Variants in KCNQ3 observed in about 807,000 individuals in gnomAD.
The protein encoded by KCNQ3 is potassium voltage-gated channel subfamily KQT member 3.
KCNQ3 carries 30 observed loss-of-function variants against 92.5 expected under a neutral mutation model. The observed-to-expected ratio is 0.32, with a 90% CI of 0.24 to 0.44. The LOEUF (loss-of-function observed/expected upper bound fraction) is 0.44, where lower values mean the gene tolerates loss of function less well. Among genes scored for constraint, KCNQ3 ranks in the 20% least tolerant of loss-of-function variants. The pLI, the probability that KCNQ3 is intolerant of heterozygous loss-of-function variation, is 1.00. For missense variants in KCNQ3, 913 were observed against 1,140.3 expected, an observed-to-expected ratio of 0.80 and a Z score of 2.87; for synonymous variants, 450 against 468.8, an observed-to-expected ratio of 0.96 and a Z score of 0.52.
Position 132,123,658 on chromosome 8 carries a change from A to G in KCNQ3, c.*5604T>C, listed in dbSNP as rs1159282849. 6.6e-6 allele frequency: 1 copy of G among 152,204 alleles called. No homozygotes were observed. The highest frequency in any genetic ancestry group is 1.9e-4 in the East Asian group (1 of 5,188). The allele number at this position is 152,204 out of a possible 1,614,324, so 9.4% of individuals were successfully genotyped here. A position where few individuals can be genotyped will look rare whatever the true frequency, so the allele number is the denominator to read the frequency against. ...AGTTCCAGATTTATTCTGTGACTCA[A>G]TCACTGCTTCAATCACTGAGGGACG... is the stretch of plus-strand genomic sequence containing the variant. On this transcript the variant is annotated 3_prime_UTR_variant, in exon 15 of 15. Coordinates refer to ENST00000388996, the MANE Select transcript of KCNQ3 (RefSeq NM_004519.4).
At chr8:132,376,699 A>G (rs1819618591) in intron 1 of KCNQ3, among the ~76,000 whole-genome samples, 1 of 152,230 alleles carries the variant, frequency 6.6e-6, no homozygotes, top group Non-Finnish European at 1.5e-5. Context: ...CCACTTGGCC[A>G]GTTGTTTTGA....
chr8:132,279,449 T>C (rs1015035151), intron 1 of KCNQ3, among the ~76,000 whole-genome samples: 2 of 152,162 alleles, frequency 1.3e-5, no homozygotes, highest in African/African-American at 4.8e-5. Flanking sequence ...TTAGGGTCAG[T>C]TAGATCTGGG....
intron 1 of KCNQ3, among the ~76,000 whole-genome samples, chr8:132,298,548 T>C (rs992978639): frequency 2.6e-5 from 4 of 152,034 alleles, no homozygotes; most frequent in Non-Finnish European, 5.9e-5. Flanking sequence ...GAATTTAACA[T>C]GAAGATGGGG....
intron 12 of KCNQ3, among the ~76,000 whole-genome samples, chr8:132,134,746 T>C (rs1013620504): frequency 6.7e-6 from 1 of 149,802 alleles, no homozygotes; most frequent in Non-Finnish European, 1.5e-5. Flanking sequence ...GGCTGCATCT[T>C]GTTATTTTTT....
At chr8:132,378,416 A>G (rs765836464) in intron 1 of KCNQ3, among the ~76,000 whole-genome samples, 6 of 152,162 alleles carry the variant, frequency 3.9e-5, no homozygotes, top group Admixed American at 1.3e-4. Flanking sequence ...AGACAATACT[A>G]AAAACATTAA....
At chr8:132,236,223 CA>C (rs1814810146) in intron 1 of KCNQ3, among the ~76,000 whole-genome samples, 2 of 152,180 alleles carry the variant, frequency 1.3e-5, no homozygotes, top group Non-Finnish European at 2.9e-5. Context: ...TTGCAAAGGG[CA>C]AACCTTTTTC....
At chr8:132,480,124 G>A (rs1254304928) in intron 1 of KCNQ3, 23 bp downstream of exon 1, 2 of 1,603,548 alleles carry the variant, frequency 1.2e-6, no homozygotes, top group Non-Finnish European at 1.7e-6. Flanking sequence ...CGCCGAGGGC[G>A]CCCCGAGCGG....
intron 11 of KCNQ3, among the ~76,000 whole-genome samples, chr8:132,138,285 C>A (rs1825172571): frequency 2.0e-5 from 3 of 152,164 alleles, no homozygotes; most frequent in Admixed American, 2.0e-4. Flanking sequence ...TCACTGTATG[C>A]CAGACCATGA....
Position 132,180,473 on chromosome 8 carries a change from C to A in KCNQ3, c.605-144G>T, listed in dbSNP as rs180920917. On this transcript the variant is annotated intron_variant, in intron 3 of 14. Coordinates refer to ENST00000388996, the MANE Select transcript of KCNQ3 (RefSeq NM_004519.4). Reference sequence around the variant, plus strand: ...TCTGAGCACTGCTGTTGAATCTTGCCACCAACAACACATGGTAAGTGGGAT... The same window carrying A: ...TCTGAGCACTGCTGTTGAATCTTGCAACCAACAACACATGGTAAGTGGGAT... The A allele has an allele frequency of 2.6e-4, 204 of 798,618 alleles. No homozygotes were observed. In the African/African-American group the frequency reaches 3.1e-3, roughly 12 times the overall value. The allele number at this position is 798,618 out of a possible 1,614,324, so 49.5% of individuals were successfully genotyped here.
At chr8:132,183,289 C>A (rs62519597) in intron 3 of KCNQ3, among the ~76,000 whole-genome samples, 10,469 of 152,168 alleles carry the variant, frequency 0.069, 498 homozygotes, top group African/African-American at 0.12. Flanking sequence ...GGGGGAATAA[C>A]ATGTCTAGAC....
chr8:132,204,804 C>G (rs1813602521), intron 1 of KCNQ3, among the ~76,000 whole-genome samples: 1 of 152,110 alleles, frequency 6.6e-6, no homozygotes, highest in Non-Finnish European at 1.5e-5. Flanking sequence ...ATTTACATAC[C>G]AGAGCGCTGC....
chr8:132,462,091 A>T (rs971453924), intron 1 of KCNQ3, among the ~76,000 whole-genome samples: 1 of 152,250 alleles, frequency 6.6e-6, no homozygotes, highest in Non-Finnish European at 1.5e-5. Flanking sequence ...GTCTTGACTA[A>T]CACTAGCAAG....
rs766185814 is a variant in KCNQ3, at chr8:132,480,220, G to A, written c.313C>T (p.Arg105Trp). 4.3e-6 allele frequency: 7 copies of A among 1,613,332 alleles called. No individual in the cohort carries two copies. Among genetic ancestry groups the A allele is most frequent in the Non-Finnish European group, 2.5e-6 (3 of 1,179,530 alleles). The change falls in exon 1 of 15, where the codon CGG becomes TGG. Residue 105 changes from arginine to tryptophan, a missense_variant. By Grantham distance (101) the Arg-to-Trp change is moderately radical. This residue lies in a region of KCNQ3 where 183 missense variants were observed against 167.7 expected (regional missense o/e 1.09). Coordinates refer to ENST00000388996, the MANE Select transcript of KCNQ3 (RefSeq NM_004519.4). ...TCGTAGATCAAAGTTTGGATGCGCC[G>A]GTACTTGGCGTTGTTTCTCTTGACT... ...RPVKRNNAKY[R>W]RIQTLIYDAL...
At chr8:132,241,125 G>T (rs1814984756) in intron 1 of KCNQ3, among the ~76,000 whole-genome samples, 1 of 152,096 alleles carries the variant, frequency 6.6e-6, no homozygotes, top group African/African-American at 2.4e-5. Context: ...CTGACCCCAG[G>T]TGATCTGCCT....
At chr8:132,365,756 G>A (rs112867445) in intron 1 of KCNQ3, among the ~76,000 whole-genome samples, 49 of 152,284 alleles carry the variant, frequency 3.2e-4, no homozygotes, top group African/African-American at 1.1e-3. Flanking sequence ...ATGGCTTGGC[G>A]CAGTGGCTCA....
chr8:132,307,870 G>C (rs547373976), intron 1 of KCNQ3, among the ~76,000 whole-genome samples: 54 of 152,210 alleles, frequency 3.5e-4, no homozygotes, highest in African/African-American at 1.3e-3. Flanking sequence ...ATATGAGTCG[G>C]GGAGTTGCAC....
At chr8:132,356,467 A>G (rs2130714176) in intron 1 of KCNQ3, among the ~76,000 whole-genome samples, 1 of 152,312 alleles carries the variant, frequency 6.6e-6, no homozygotes, top group South Asian at 2.1e-4. Flanking sequence ...GAGAGCTGTC[A>G]GGTAGACCTC....
At chr8:132,379,147 T>G (rs894747380) in intron 1 of KCNQ3, among the ~76,000 whole-genome samples, 3 of 152,330 alleles carry the variant, frequency 2.0e-5, no homozygotes, top group African/African-American at 7.2e-5. Context: ...CGGGTTTATG[T>G]GTTCACTTTT....
intron 1 of KCNQ3, among the ~76,000 whole-genome samples, chr8:132,355,752 T>C (rs1467676773): frequency 6.6e-6 from 1 of 152,176 alleles, no homozygotes; most frequent in African/African-American, 2.4e-5. Flanking sequence ...TATAGTCCCC[T>C]TTGTGCCTAG....
Sources: allele counts gnomAD v4.1 joint callset (sites outside exome capture counted in the v4.1 genomes callset), GRCh38; gene constraint gnomAD v4.1.1; regional missense constraint gnomAD v4.1.1; transcripts MANE v1.5; gene names NCBI Gene and HGNC (gene_info 2026-07-23, HGNC 2026-07-21).